Variants in LMAN2L observed in about 807,000 individuals in gnomAD.
LMAN2L encodes the protein lectin, mannose binding 2 like, also known as VIP36-like protein.
Under a neutral mutation model 44.3 loss-of-function variants are expected in LMAN2L, and 30 were observed. The ratio of observed to expected loss-of-function variants is 0.68; its 90% CI spans 0.51 to 0.92. The LOEUF (loss-of-function observed/expected upper bound fraction) is 0.92. LMAN2L is among the 40% of genes least tolerant of loss of function. LMAN2L has a pLI of 0.00. For synonymous variants in LMAN2L, 183 were observed against 171.1 expected (o/e 1.07, Z -0.54); for missense variants, 429 against 446.1 (o/e 0.96, Z 0.35).
chr2:96,711,916 T>C lies in LMAN2L; in HGVS notation c.617A>G (p.Asn206Ser), dbSNP rs201001633. Residue 206 changes from asparagine (N) to serine (S), a missense_variant, in exon 5 of 8, where the codon AAT becomes AGT. Physicochemically the swap from Asn to Ser is conservative, Grantham distance 46 (BLOSUM62 1). Coordinates refer to ENST00000264963, the MANE Select transcript of LMAN2L (RefSeq NM_030805.4). ...ELGGCTAIVRNLHYDTFLVIR... is the reference protein window; with the variant it reads ...ELGGCTAIVRSLHYDTFLVIR... ...CACCAGGAAGGTGTCGTAATGAAGATTGCGGACAATGGCTGTGCAGCCTCC... is the reference window on the plus strand; with the variant it reads ...CACCAGGAAGGTGTCGTAATGAAGACTGCGGACAATGGCTGTGCAGCCTCC... The C allele has an allele frequency of 5.5e-5, 89 of 1,614,184 alleles. No homozygotes were observed. The African/African-American group carries it at 6.8e-4, about 12-fold the overall frequency.
At chr2:96,715,453 T>A (rs1360317409) in intron 4 of LMAN2L, among the ~76,000 whole-genome samples, 1 of 152,248 alleles carries the variant, frequency 6.6e-6, no homozygotes. Context: ...CTGGAAGTAT[T>A]TCTTGGATAA....
chr2:96,713,397 T>G (rs2077970349), intron 4 of LMAN2L, among the ~76,000 whole-genome samples: 1 of 152,166 alleles, frequency 6.6e-6, no homozygotes, highest in African/African-American at 2.4e-5. Context: ...TATCAGATTC[T>G]CAAAGGGGTC....
At chr2:96,722,253 C>T (rs914398514) in intron 4 of LMAN2L, among the ~76,000 whole-genome samples, 1 of 152,112 alleles carries the variant, frequency 6.6e-6, no homozygotes, top group African/African-American at 2.4e-5. Flanking sequence ...CAGGCGTGAG[C>T]CACCGCACCC....
Position 96,711,639 on chromosome 2 carries a change from A to G in LMAN2L, c.784+17T>C. ...GAGGCCTCAGTCAGGGCAAACCAAGAGTGCGCGTGGCAGTACCTGAGAGAT... is the reference window on the plus strand; with the variant it reads ...GAGGCCTCAGTCAGGGCAAACCAAGGGTGCGCGTGGCAGTACCTGAGAGAT... On this transcript the variant is annotated intron_variant, in intron 6 of 7. Transcript: ENST00000264963. 1 of 1,561,328 alleles carries G rather than the reference A, an allele frequency of 6.4e-7. No individual in the cohort carries two copies. Among genetic ancestry groups the G allele is most frequent in the South Asian group, 1.1e-5 (1 of 89,950 alleles).
At chr2:96,713,029 A>G (rs971292833) in intron 4 of LMAN2L, 68 of 1,285,834 alleles carry the variant, frequency 5.3e-5, no homozygotes, top group Non-Finnish European at 7.4e-5. Flanking sequence ...AGACAACCAC[A>G]TGGACTTGAA....
chr2:96,723,813 G>C (rs1274827895), intron 4 of LMAN2L, among the ~76,000 whole-genome samples: 4 of 152,156 alleles, frequency 2.6e-5, no homozygotes, highest in African/African-American at 9.7e-5. Context: ...ATTAGACCGG[G>C]CACGGTGGCT....
chr2:96,737,694 C>T (rs1437924049), intron 2 of LMAN2L, among the ~76,000 whole-genome samples: 1 of 151,930 alleles, frequency 6.6e-6, no homozygotes, highest in Non-Finnish European at 1.5e-5. Flanking sequence ...AGAAGTAGTA[C>T]TATTGGGCCA....
At chr2:96,731,072 G>A (rs957601267) in intron 4 of LMAN2L, among the ~76,000 whole-genome samples, 2 of 152,082 alleles carry the variant, frequency 1.3e-5, no homozygotes, top group South Asian at 4.2e-4. Context: ...GGCACTTCCT[G>A]GAAGAAGCCT....
intron 4 of LMAN2L, among the ~76,000 whole-genome samples, chr2:96,729,486 A>T (rs149182026): frequency 6.6e-6 from 1 of 152,098 alleles, no homozygotes; most frequent in Admixed American, 6.6e-5. Context: ...TCTAATAAAC[A>T]GCAAGTGATT....
At chr2:96,716,528 G>C (rs1235709759) in intron 4 of LMAN2L, among the ~76,000 whole-genome samples, 1 of 152,198 alleles carries the variant, frequency 6.6e-6, no homozygotes, top group Non-Finnish European at 1.5e-5. Context: ...GAGAGGAAGA[G>C]AGAACAGAAC....
intron 1 of LMAN2L, among the ~76,000 whole-genome samples, chr2:96,739,144 G>C (rs1278097093): frequency 7.2e-5 from 11 of 152,138 alleles, no homozygotes; most frequent in Non-Finnish European, 1.5e-5. Flanking sequence ...AAACCCATAA[G>C]CATTAGCAAA....
At chr2:96,735,008 G>A (rs933072699) in intron 2 of LMAN2L, among the ~76,000 whole-genome samples, 6 of 150,854 alleles carry the variant, frequency 4.0e-5, no homozygotes, top group Admixed American at 1.3e-4. Context: ...TTATGCAAAC[G>A]TTTCCAGGAA....
At position 96,740,018 on chromosome 2, in the gene LMAN2L, A is replaced by G. The variant is rs762511900; in HGVS notation, c.23T>C (p.Leu8Pro). 2 of 1,612,386 alleles carry G rather than the reference A, an allele frequency of 1.2e-6. No homozygotes were observed. The highest frequency in any genetic ancestry group is 1.3e-5 in the African/African-American group (1 of 75,002). MAATLGP[L>P]GSWQQWRRCL... ...TCGCCGCCACTGCTGCCACGACCCA[A>G]GGGGTCCCAGAGTCGCCGCCATCTT... Residue 8 changes from leucine to proline, a missense_variant, in exon 1 of 8, where the codon CTT (leucine) becomes CCT (proline). Coordinates refer to ENST00000264963, the MANE Select transcript of LMAN2L (RefSeq NM_030805.4).
At chr2:96,717,104 AACAC>A (rs551677093) in intron 4 of LMAN2L, among the ~76,000 whole-genome samples, 125 of 151,542 alleles carry the variant, frequency 8.2e-4, no homozygotes, top group African/African-American at 2.9e-3. Flanking sequence ...TTTTTTTTTA[AACAC>A]ACACACACAC....
At chr2:96,719,196 C>T (rs2078100670) in intron 4 of LMAN2L, among the ~76,000 whole-genome samples, 1 of 152,148 alleles carries the variant, frequency 6.6e-6, no homozygotes, top group Admixed American at 6.5e-5. Context: ...TTCTATAGAA[C>T]AGGAGATCTT....
intron 3 of LMAN2L, 23 bp from the exon 4 acceptor site, chr2:96,733,624 G>A (rs758351648): frequency 6.4e-7 from 1 of 1,573,946 alleles, no homozygotes; most frequent in Non-Finnish European, 8.7e-7. Flanking sequence ...AACAGATGAT[G>A]AACAATGAAA....
At chr2:96,720,028 C>T (rs879372043) in intron 4 of LMAN2L, among the ~76,000 whole-genome samples, 1 of 147,222 alleles carries the variant, frequency 6.8e-6, no homozygotes, top group Non-Finnish European at 1.5e-5. Flanking sequence ...GACTCAGTCT[C>T]AAAAGAAAAA....
chr2:96,719,667 C>T (rs1308819843), intron 4 of LMAN2L, among the ~76,000 whole-genome samples: 1 of 152,124 alleles, frequency 6.6e-6, no homozygotes, highest in Non-Finnish European at 1.5e-5. Context: ...GTAATCTCGG[C>T]TCACTGCAAC....
intron 1 of LMAN2L, 69 bp downstream of exon 1, chr2:96,739,785 G>C: frequency 6.6e-7 from 1 of 1,516,094 alleles, no homozygotes; most frequent in East Asian, 2.3e-5. Context: ...CGCCGCCCCC[G>C]CCTCTACCCC....
Sources: allele counts gnomAD v4.1 joint callset (sites outside exome capture counted in the v4.1 genomes callset), GRCh38; gene constraint gnomAD v4.1.1; transcripts MANE v1.5; gene names NCBI Gene and HGNC (gene_info 2026-07-23, HGNC 2026-07-21).